TNS1: variants seen among roughly 807,000 people sequenced by gnomAD.
TNS1 encodes tensin-1.
In TNS1, 62 loss-of-function variants were observed where a neutral mutation model predicts 168.6. The observed-to-expected ratio is 0.37, with a 90% confidence interval of 0.30 to 0.45. The LOEUF (loss-of-function observed/expected upper bound fraction) is 0.45. Ranked by LOEUF, TNS1 falls within the 20% of genes least tolerant of loss-of-function variation. The pLI is 1.00. For missense variants in TNS1, 2,240 were observed against 2,339.4 expected (o/e 0.96, Z 0.88); for synonymous variants, 934 against 933.2 (o/e 1.00, Z -0.02).
rs759926250 is a variant in TNS1, at chr2:217,814,899, G to T, written c.4729+13C>A. On this transcript the variant is annotated intron_variant, in intron 25 of 32. Coordinates refer to ENST00000682258, the MANE Select transcript of TNS1 (RefSeq NM_001387777.1). ...GCTATGGCCTCTGATGCACCACAGAGCCCAGCACTCACCCTGCTCCCTGGA... is the reference window on the plus strand; with the variant it reads ...GCTATGGCCTCTGATGCACCACAGATCCCAGCACTCACCCTGCTCCCTGGA... 3 of 1,609,434 alleles carry T rather than the reference G, an allele frequency of 1.9e-6. No individual in the cohort carries two copies. Among genetic ancestry groups the T allele is most frequent in the Non-Finnish European group, 2.5e-6 (3 of 1,177,298 alleles).
chr2:217,940,171 G>A (rs539681429), intron 3 of TNS1, among the ~76,000 whole-genome samples: 14 of 152,358 alleles, frequency 9.2e-5, no homozygotes, highest in Admixed American at 5.9e-4. Flanking sequence ...GCTATTGAGC[G>A]AGGGGCCATT....
At position 217,809,432 on chromosome 2, in the gene TNS1, GATGGATGGATGGATGGATGGATGGATGC is replaced by G. The variant is rs1270846450; in HGVS notation, c.5273+363_5273+390del. Among the ~76,000 whole-genome samples the G allele has an allele frequency of 1.5e-4, 18 of 119,634 alleles. 3 individuals carry two copies. Among genetic ancestry groups the G allele is most frequent in the African/African-American group, 2.2e-4 (6 of 27,822 alleles). 78.5% of individuals were successfully genotyped at this position (119,634 alleles called of 152,430 possible). A position where few individuals can be genotyped will look rare whatever the true frequency, so the allele number is the denominator to read the frequency against. On this transcript the variant is annotated intron_variant, in intron 30 of 32. Transcript: ENST00000682258. ...GGATGGATGCATGGATGGATGGATGGATGGATGGATGGATGGATGGATGGATGCATGGATGGATGGATGGATGGATGGA... is the reference window on the plus strand; with the variant it reads ...GGATGGATGCATGGATGGATGGATGGATGGATGGATGGATGGATGGATGGA...
chr2:217,835,959 A>G, intron 20 of TNS1, 56 bp downstream of exon 20: 2 of 1,485,852 alleles, frequency 1.3e-6, no homozygotes, highest in Non-Finnish European at 1.8e-6. Context: ...GTTTCTGGAG[A>G]TTTAAAGTGG....
chr2:217,968,353 A>G (rs570807569), intron 3 of TNS1, among the ~76,000 whole-genome samples: 15 of 152,352 alleles, frequency 9.8e-5, no homozygotes, highest in Admixed American at 7.8e-4. Flanking sequence ...AACTAAAACT[A>G]TATTCACAGA....
chr2:217,862,914 A>G lies in TNS1; in HGVS notation c.1430-13827T>C, dbSNP rs1948916942. 2.6e-5 allele frequency among the ~76,000 whole-genome samples: 4 copies of G among 152,182 alleles called. No homozygotes were observed. The South Asian group carries it at 8.3e-4, about 32-fold the overall frequency. On this transcript the variant is annotated intron_variant, in intron 18 of 32. Coordinates refer to ENST00000682258, the MANE Select transcript of TNS1 (RefSeq NM_001387777.1). ...AAGACACACTTCCCAACTGTAGGTC[A>G]AGCAAATGCCCCCATTCCCTCCAGA...
intron 17 of TNS1, chr2:217,881,236 TA>T (rs557840054): frequency 1.5e-4 from 82 of 555,386 alleles, no homozygotes; most frequent in African/African-American, 1.4e-3. Flanking sequence ...TGCCGGGTCA[TA>T]GGGGTAAATC....
Position 217,995,921 on chromosome 2 carries a change from C to G in TNS1, c.34-4865G>C, listed in dbSNP as rs533708822. 6.6e-6 allele frequency among the ~76,000 whole-genome samples: 1 copy of G among 152,224 alleles called. No homozygotes were observed. The highest frequency in any genetic ancestry group is 2.1e-4 in the South Asian group (1 of 4,832). On this transcript the variant is annotated intron_variant, in intron 1 of 32. Coordinates refer to ENST00000682258, the MANE Select transcript of TNS1 (RefSeq NM_001387777.1). This position sits in a 1 kb window ranked among gnomAD's most constrained non-coding sequence, Gnocchi z 4.1. ...AGCATCAGAGGGCTTTCGTGGCCCT[C>G]GGGGCTTCCTCTCCCTTCCCTCCTT...
intron 3 of TNS1, among the ~76,000 whole-genome samples, chr2:217,956,283 A>G (rs576818166): frequency 6.6e-6 from 1 of 152,240 alleles, no homozygotes; most frequent in African/African-American, 2.4e-5. Context: ...GACTACAGGC[A>G]TGAGCCACCG....
intron 9 of TNS1, 52 bp downstream of exon 9, chr2:217,894,954 A>C: frequency 5.2e-6 from 8 of 1,544,696 alleles, no homozygotes; most frequent in Non-Finnish European, 6.2e-6. Context: ...CCAGAGAGGG[A>C]GTCCATCTGT....
upstream of TNS1, among the ~76,000 whole-genome samples, chr2:218,014,920 G>T (rs1056520208): frequency 5.1e-5 from 4 of 78,224 alleles, no homozygotes; most frequent in African/African-American, 1.9e-4. Flanking sequence ...AGGAAGGAAG[G>T]AAGGCAGGCA....
chr2:217,877,223 G>A (rs995484829), intron 18 of TNS1, among the ~76,000 whole-genome samples: 2 of 152,034 alleles, frequency 1.3e-5, no homozygotes, highest in East Asian at 1.9e-4. Context: ...CACCATAAAC[G>A]GGCTTCCCTT....
chr2:217,924,034 C>T (rs990836142), intron 3 of TNS1, among the ~76,000 whole-genome samples: 22 of 152,216 alleles, frequency 1.4e-4, no homozygotes, highest in Admixed American at 2.6e-4. Flanking sequence ...CAGGGAACTC[C>T]CTGCATGACC....
In TNS1 at chr2:217,991,070, G is replaced by C; in HGVS notation, c.34-14C>G. On this transcript the variant is annotated splice_polypyrimidine_tract_variant and intron_variant, in intron 1 of 32. Transcript: ENST00000682258. ...CAGATCCTCTGGCTGTGGGAGGAGA[G>C]GCACAGAGTCAGCCCTGGGTAGAAG... is the stretch of plus-strand genomic sequence containing the variant. The C allele has an allele frequency of 1.5e-6, 1 of 656,704 alleles. No homozygotes were observed. The highest frequency in any genetic ancestry group is 2.7e-5 in the East Asian group (1 of 36,436). 40.7% of individuals were successfully genotyped at this position (656,704 alleles called of 1,614,324 possible).
At chr2:217,881,377 C>T (rs1016030540) in intron 17 of TNS1, 3 of 206,024 alleles carry the variant, frequency 1.5e-5, no homozygotes, top group Non-Finnish European at 2.0e-5. Flanking sequence ...AAGTCTGCCC[C>T]TGGGGTCAGA....
upstream of TNS1, among the ~76,000 whole-genome samples, chr2:218,003,813 G>A (rs1330426865): frequency 9.1e-6 from 1 of 110,064 alleles, no homozygotes; most frequent in Non-Finnish European, 1.8e-5. Context: ...CCTGGGCCCA[G>A]TTCTCCCCTC....
intron 3 of TNS1, among the ~76,000 whole-genome samples, chr2:217,932,762 C>CA (rs1050951345): frequency 2.0e-5 from 3 of 152,166 alleles, no homozygotes; most frequent in Non-Finnish European, 2.9e-5. Flanking sequence ...AACTTTCCAT[C>CA]AAAAAAATCC....
intron 4 of TNS1, among the ~76,000 whole-genome samples, chr2:217,912,357 A>T (rs533576509): frequency 7.2e-4 from 109 of 152,346 alleles, no homozygotes; most frequent in African/African-American, 2.6e-3. Context: ...CCGGAGGAAC[A>T]TTCCGTCCGG....
chr2:217,908,444 C>T (rs966597819), intron 4 of TNS1, among the ~76,000 whole-genome samples: 4 of 152,132 alleles, frequency 2.6e-5, no homozygotes, highest in African/African-American at 4.8e-5. Flanking sequence ...CAAACCTTGA[C>T]GAGGACAAGT....
At chr2:217,993,421 T>C (rs1958414300) in intron 1 of TNS1, among the ~76,000 whole-genome samples, 1 of 152,216 alleles carries the variant, frequency 6.6e-6, no homozygotes, top group Admixed American at 6.5e-5. Context: ...GGTAATGGGA[T>C]GATGAAGCCA....
Sources: allele counts gnomAD v4.1 joint callset (sites outside exome capture counted in the v4.1 genomes callset), GRCh38; gene constraint gnomAD v4.1.1; non-coding constraint Gnocchi (gnomAD v3.1); transcripts MANE v1.5; gene names NCBI Gene and HGNC (gene_info 2026-07-23, HGNC 2026-07-21).